Variants in NMT2 observed in about 807,000 individuals in gnomAD.
NMT2 encodes glycylpeptide N-tetradecanoyltransferase 2.
NMT2 carries 35 observed loss-of-function variants against 65.4 expected under a neutral mutation model. The observed-to-expected ratio is 0.54, with a 90% CI of 0.41 to 0.71. The LOEUF is 0.71. NMT2 is among the 30% of genes least tolerant of loss of function. The probability of loss-of-function intolerance (pLI) is 0.00; values close to 1 mark genes in which losing one functional copy is unlikely to be tolerated. For missense variants in NMT2, 489 were observed against 611.3 expected, an observed-to-expected ratio of 0.80 and a Z score of 2.11; for synonymous variants, 226 against 231.8, an observed-to-expected ratio of 0.98 and a Z score of 0.23.
intron 6 of NMT2, among the ~76,000 whole-genome samples, chr10:15,131,976 G>A (rs915132051): frequency 2.6e-5 from 4 of 151,524 alleles, no homozygotes; most frequent in South Asian, 2.1e-4. Flanking sequence ...AGTGATTCTC[G>A]TGCCTCAGCC....
chr10:15,142,369 G>A (rs923163556), intron 1 of NMT2, among the ~76,000 whole-genome samples: 5 of 152,038 alleles, frequency 3.3e-5, no homozygotes, highest in Admixed American at 2.6e-4. Context: ...ACCAGCCTGG[G>A]CAATAAGGGG....
chr10:15,113,441 G>T (rs948105801), intron 9 of NMT2, among the ~76,000 whole-genome samples: 1 of 123,680 alleles, frequency 8.1e-6, no homozygotes, highest in African/African-American at 3.5e-5. Flanking sequence ...CTGCACTCCA[G>T]CCTGGGCGAC....
chr10:15,156,112 T>C (rs1832989384), intron 1 of NMT2, among the ~76,000 whole-genome samples: 1 of 152,166 alleles, frequency 6.6e-6, no homozygotes, highest in African/African-American at 2.4e-5. Context: ...GATAAGGCGG[T>C]GATGTGGTTT....
At chr10:15,112,764 C>G in intron 10 of NMT2, 32 bp downstream of exon 10, 2 of 1,577,600 alleles carry the variant, frequency 1.3e-6, no homozygotes, top group Non-Finnish European at 1.7e-6. Flanking sequence ...ATTTGGAGAA[C>G]CAAACGGCGT....
rs566430728 is a variant in NMT2, at chr10:15,117,785, C to T, written c.1170+1558G>A. ...ATTAAAAACACAACACCATTATAATCGCCCCAAAGAAAGTGAAATATCTAG... is the reference window on the plus strand; with the variant it reads ...ATTAAAAACACAACACCATTATAATTGCCCCAAAGAAAGTGAAATATCTAG... On this transcript the variant is annotated intron_variant, in intron 9 of 11. Transcript: ENST00000378165. 1.2e-4 allele frequency among the ~76,000 whole-genome samples: 18 copies of T among 152,282 alleles called. No individual in the cohort carries two copies. In the South Asian group the frequency reaches 2.7e-3, roughly 23 times the overall value.
At chr10:15,161,209 AC>A (rs1833185628) in intron 1 of NMT2, among the ~76,000 whole-genome samples, 2 of 151,738 alleles carry the variant, frequency 1.3e-5, no homozygotes, top group Non-Finnish European at 2.9e-5. Flanking sequence ...TCACATGCAC[AC>A]CCAGGCTATG....
chr10:15,167,805 A>T (rs1041553537), intron 1 of NMT2, among the ~76,000 whole-genome samples: 12 of 152,304 alleles, frequency 7.9e-5, no homozygotes, highest in Non-Finnish European at 1.3e-4. Context: ...GAGATCAAAT[A>T]CCAGCTTTGC....
At chr10:15,145,862 CT>C (rs1846946191) in intron 1 of NMT2, among the ~76,000 whole-genome samples, 1 of 152,186 alleles carries the variant, frequency 6.6e-6, no homozygotes, top group Admixed American at 6.5e-5. Context: ...TCCAGGTACT[CT>C]GGAGGGAGAC....
At chr10:15,161,081 CA>C (rs750859200) in intron 1 of NMT2, among the ~76,000 whole-genome samples, 862 of 19,110 alleles carry the variant, frequency 0.045, 4 homozygotes, top group African/African-American at 0.11. Flanking sequence ...CCTCAAAAAT[CA>C]AAAAAAAAAA....
In NMT2 at chr10:15,139,551, G is replaced by C. The variant is rs1292456503; in HGVS notation, c.246+1871C>G. ...CTGATGAAGCGACATTTAGAAACGG[G>C]AAGAGTGTTTTGCAAGCTTATGGTG... is the stretch of plus-strand genomic sequence containing the variant. On this transcript the variant is annotated intron_variant, in intron 2 of 11. Coordinates refer to ENST00000378165, the MANE Select transcript of NMT2 (RefSeq NM_004808.3). Among the ~76,000 whole-genome samples the C allele has an allele frequency of 2.6e-5, 4 of 152,046 alleles. No homozygotes were observed. The East Asian group carries it at 7.7e-4, about 29-fold the overall frequency.
intron 1 of NMT2, among the ~76,000 whole-genome samples, chr10:15,165,713 A>G (rs1238914687): frequency 6.6e-6 from 1 of 152,004 alleles, no homozygotes; most frequent in Non-Finnish European, 1.5e-5. Context: ...CCCCATCTCT[A>G]CTAAAAATAC....
chr10:15,141,097 C>A, intron 2 of NMT2: 2 of 1,379,472 alleles, frequency 1.4e-6, no homozygotes, highest in African/African-American at 2.9e-5. Context: ...GAAAAGTAAT[C>A]AAATATTAAA....
At chr10:15,144,281 T>C (rs1280036891) in intron 1 of NMT2, among the ~76,000 whole-genome samples, 1 of 152,190 alleles carries the variant, frequency 6.6e-6, no homozygotes, top group Non-Finnish European at 1.5e-5. Context: ...CAGACATATC[T>C]GATAGCATTT....
chr10:15,105,784 AGTTT>A lies in NMT2; in HGVS notation c.*3407_*3410del, dbSNP rs1332986356. On this transcript the variant is annotated 3_prime_UTR_variant, in exon 12 of 12. Coordinates refer to ENST00000378165, the MANE Select transcript of NMT2 (RefSeq NM_004808.3). ...GAAACTATCCATTGCATTTCAATTT[AGTTT>A]TAATAGCTACTTCATAAGCAAGCAG... Among the ~76,000 whole-genome samples the A allele has an allele frequency of 3.9e-5, 6 of 152,382 alleles. No homozygotes were observed. Among genetic ancestry groups the A allele is most frequent in the African/African-American group, 1.4e-4 (6 of 41,598 alleles).
At chr10:15,105,719 T>A (rs1564551786), downstream of NMT2, among the ~76,000 whole-genome samples, 1 of 152,196 alleles carries the variant, frequency 6.6e-6, no homozygotes, top group Non-Finnish European at 1.5e-5. Context: ...ACATTTTCAT[T>A]ATAGACAAAG....
chr10:15,111,677 A>C (rs961001080), intron 10 of NMT2: 7 of 152,006 alleles, frequency 4.6e-5, no homozygotes, highest in African/African-American at 1.4e-4. Flanking sequence ...TTTTATTTTT[A>C]TTTCTCAGGG....
At chr10:15,156,108 G>T (rs1832989004) in intron 1 of NMT2, among the ~76,000 whole-genome samples, 1 of 152,118 alleles carries the variant, frequency 6.6e-6, no homozygotes, top group Non-Finnish European at 1.5e-5. Context: ...CACAGATAAG[G>T]CGGTGATGTG....
rs779168206 is a variant in NMT2 at position 15,132,853 on chromosome 10, A to G, written c.683T>C (p.Ile228Thr). 1.2e-6 allele frequency: 2 copies of G among 1,613,902 alleles called. No homozygotes were observed. Among genetic ancestry groups the G allele is most frequent in the Non-Finnish European group, 1.7e-6 (2 of 1,179,854 alleles). The stretch of plus-strand genomic sequence containing the variant: ...CCGAATGTTTGCTGGGATGGCACTT[A>G]TGAACCCGACCAGTTTTTTATTTGA... ...VSSNKKLVGF[I>T]SAIPANIRIY... Residue 228 changes from isoleucine (I) to threonine (T), a missense_variant, in exon 6 of 12, where the codon ATA becomes ACA. Transcript: ENST00000378165.
chr10:15,120,447 G>C (rs986561195), intron 8 of NMT2, among the ~76,000 whole-genome samples: 2 of 152,106 alleles, frequency 1.3e-5, no homozygotes, highest in African/African-American at 4.8e-5. Flanking sequence ...GACAGGGAGG[G>C]ACTTCGTCTC....
Sources: allele counts gnomAD v4.1 joint callset (sites outside exome capture counted in the v4.1 genomes callset), GRCh38; gene constraint gnomAD v4.1.1; transcripts MANE v1.5; gene names NCBI Gene and HGNC (gene_info 2026-07-23, HGNC 2026-07-21).